CUL3: variants seen among roughly 807,000 people sequenced by gnomAD.
CUL3 encodes cullin-3.
In CUL3, 19 loss-of-function variants were observed where a neutral mutation model predicts 89.1. That is an observed-to-expected ratio of 0.21 (90% CI 0.15 to 0.31). CUL3 has a LOEUF of 0.31. Ranked by LOEUF, CUL3 falls within the 10% of genes least tolerant of loss-of-function variation. The pLI is 1.00. For synonymous variants in CUL3, 351 were observed against 308.4 expected, an observed-to-expected ratio of 1.14 and a Z score of -1.45; for missense variants, 469 against 942.3, an observed-to-expected ratio of 0.50 and a Z score of 6.58.
At chr2:224,578,936 T>TC (rs1444321208) in intron 1 of CUL3, among the ~76,000 whole-genome samples, 1 of 152,190 alleles carries the variant, frequency 6.6e-6, no homozygotes, top group African/African-American at 2.4e-5. Context: ...TCCCTTAACT[T>TC]CATTTAATGA....
chr2:224,569,881 G>A (rs548935803), intron 1 of CUL3: 17 of 851,486 alleles, frequency 2.0e-5, no homozygotes, highest in African/African-American at 7.6e-5. Context: ...TGAAATTCCA[G>A]GCAATTCAGA....
chr2:224,508,724 C>T (rs1009423357), intron 6 of CUL3, among the ~76,000 whole-genome samples: 4 of 152,132 alleles, frequency 2.6e-5, no homozygotes, highest in African/African-American at 7.2e-5. Context: ...CTTTGGGAGG[C>T]TGAGACGGGC....
At chr2:224,583,370 AAG>A (rs974547664) in intron 1 of CUL3, among the ~76,000 whole-genome samples, 2 of 152,228 alleles carry the variant, frequency 1.3e-5, no homozygotes, top group African/African-American at 4.8e-5. Flanking sequence ...CTCAAAAAAA[AAG>A]AAAATCTGTT....
intron 1 of CUL3, among the ~76,000 whole-genome samples, chr2:224,561,994 A>G (rs1694917235): frequency 6.6e-6 from 1 of 152,258 alleles, no homozygotes; most frequent in South Asian, 2.1e-4. Context: ...CTAATAGCTG[A>G]GCAAAACATC....
At position 224,544,610 on chromosome 2, in the gene CUL3, T is replaced by A. The variant is rs931247042; in HGVS notation, c.265-8969A>T. On this transcript the variant is annotated intron_variant, in intron 2 of 15. Transcript: ENST00000264414. Reference sequence around the variant, plus strand: ...GCATTAATCACATGTGGTCTAGGGGTTTGTCACTTTATAAATTTTGCCAGT... The same window carrying A: ...GCATTAATCACATGTGGTCTAGGGGATTGTCACTTTATAAATTTTGCCAGT... Among the ~76,000 whole-genome samples, 6 of 151,692 alleles carry A rather than the reference T, an allele frequency of 4.0e-5. No homozygotes were observed. The East Asian group carries it at 1.2e-3, about 29-fold the overall frequency.
Position 224,506,859 on chromosome 2 carries a change from T to C in CUL3, c.1028A>G (p.Gln343Arg), listed in dbSNP as rs1692622022. The C allele has an allele frequency of 1.9e-6, 3 of 1,611,964 alleles. No homozygotes were observed. Among genetic ancestry groups the C allele is most frequent in the Non-Finnish European group, 2.5e-6 (3 of 1,179,250 alleles). ...AGAGAATCTTCTGGGTTTACTTACC[T>C]GGATATAGTCAACAGGATTCTTTCC... Reference protein sequence around the residue: ...GEGKNPVDYIQGLLDLKSRFD... With the variant: ...GEGKNPVDYIRGLLDLKSRFD... The change falls in exon 7 of 16, where the codon CAG (glutamine) becomes CGG (arginine). Residue 343 changes from glutamine (Q) to arginine (R), a missense_variant and splice_region_variant. This residue lies in a region of CUL3 where 370 missense variants were observed against 733.2 expected (regional missense o/e 0.50). Transcript: ENST00000264414.
At position 224,557,676 on chromosome 2, in the gene CUL3, C is replaced by T. The variant is rs1417750087; in HGVS notation, c.247G>A (p.Glu83Lys). ...LYTGLREVVT[E>K]HLINKVREDV... ...TTTGATACCTTATTTATGAGATGTT[C>T]GGTAACAACTTCTCTTAGTCCAGTG... is the stretch of plus-strand genomic sequence containing the variant. Residue 83 changes from glutamate (E) to lysine (K), a missense_variant, in exon 2 of 16, where the codon GAA becomes AAA. By Grantham distance (56) the Glu-to-Lys change is moderately conservative (BLOSUM62 1). Transcript: ENST00000264414. The T allele has an allele frequency of 5.6e-6, 9 of 1,608,814 alleles. No individual in the cohort carries two copies. Among genetic ancestry groups the T allele is most frequent in the Non-Finnish European group, 5.1e-6 (6 of 1,176,554 alleles).
chr2:224,542,395 A>C (rs1694142138), intron 2 of CUL3, among the ~76,000 whole-genome samples: 1 of 152,086 alleles, frequency 6.6e-6, no homozygotes, highest in South Asian at 2.1e-4. Context: ...ACACAATTAT[A>C]GCTCACTGCA....
intron 2 of CUL3, among the ~76,000 whole-genome samples, chr2:224,549,307 C>A (rs1212077999): frequency 6.7e-6 from 1 of 149,678 alleles, no homozygotes; most frequent in Non-Finnish European, 1.5e-5. Flanking sequence ...GACAGCAAGA[C>A]CTTGTCTCGG....
intron 1 of CUL3, among the ~76,000 whole-genome samples, chr2:224,560,968 A>G (rs533040582): frequency 2.0e-5 from 3 of 152,268 alleles, no homozygotes; most frequent in African/African-American, 7.2e-5. Flanking sequence ...CGTATTTGCT[A>G]TTCTTTCTGT....
chr2:224,550,580 C>A (rs960904990), intron 2 of CUL3, among the ~76,000 whole-genome samples: 41 of 152,168 alleles, frequency 2.7e-4, no homozygotes, highest in African/African-American at 8.4e-4. Flanking sequence ...GCTCCTTTGT[C>A]TGCCCCACCG....
intron 2 of CUL3, among the ~76,000 whole-genome samples, chr2:224,556,831 AAC>A (rs1694725597): frequency 6.6e-6 from 1 of 152,128 alleles, no homozygotes; most frequent in Non-Finnish European, 1.5e-5. Context: ...CAGTAATTAT[AAC>A]ACATATCAAT....
chr2:224,491,550 A>G (rs1255947648), intron 13 of CUL3, among the ~76,000 whole-genome samples: 1 of 152,156 alleles, frequency 6.6e-6, no homozygotes, highest in African/African-American at 2.4e-5. Flanking sequence ...ATACTTATGA[A>G]TTTCATTCCT....
At chr2:224,575,747 CA>C (rs1049211506) in intron 1 of CUL3, among the ~76,000 whole-genome samples, 1 of 152,074 alleles carries the variant, frequency 6.6e-6, no homozygotes, top group Non-Finnish European at 1.5e-5. Context: ...GTGATTTGCT[CA>C]AAGTCCTACA....
At chr2:224,584,375 T>A (rs1695521772) in intron 1 of CUL3, among the ~76,000 whole-genome samples, 1 of 152,026 alleles carries the variant, frequency 6.6e-6, no homozygotes, top group African/African-American at 2.4e-5. Context: ...ACGCTATAAA[T>A]ACACCCAATG....
At chr2:224,481,144 C>G (rs1455192345) in intron 14 of CUL3, among the ~76,000 whole-genome samples, 1 of 151,894 alleles carries the variant, frequency 6.6e-6, no homozygotes, top group Admixed American at 6.6e-5. Context: ...CAACAAATGA[C>G]AGTCATTTAA....
chr2:224,491,928 T>C (rs1431705492), intron 13 of CUL3, among the ~76,000 whole-genome samples: 1 of 152,216 alleles, frequency 6.6e-6, no homozygotes, highest in African/African-American at 2.4e-5. Flanking sequence ...TATGCTGACC[T>C]TTCTTTGTAT....
chr2:224,478,118 T>C (rs2106141810), intron 15 of CUL3, 82 bp downstream of exon 15: 2 of 1,398,344 alleles, frequency 1.4e-6, no homozygotes, highest in South Asian at 3.2e-5. Flanking sequence ...GTAAAATTGT[T>C]TTTAAAATTA....
Position 224,503,841 on chromosome 2 carries a change from G to GT in CUL3, c.1207-20dup, listed in dbSNP as rs1692488922. ...CTGTTAGCTGCAAAATTAAGATGAT[G>GT]TAACAATTATACAATTTTAGTTCTA... is the stretch of plus-strand genomic sequence containing the variant. On this transcript the variant is annotated intron_variant, in intron 8 of 15. Transcript: ENST00000264414. 2.0e-6 allele frequency: 3 copies of GT among 1,512,900 alleles called. No individual in the cohort carries two copies. The highest frequency in any genetic ancestry group is 2.3e-5 in the Admixed American group (1 of 42,590). The allele number at this position is 1,512,900 out of a possible 1,614,324, so 93.7% of individuals were successfully genotyped here. A position where few individuals can be genotyped will look rare whatever the true frequency, so the allele number is the denominator to read the frequency against.
Sources: gnomAD v4.1 joint callset for allele counts (sites outside exome capture counted in the v4.1 genomes callset) on GRCh38, gnomAD v4.1.1 for gene constraint, gnomAD v4.1.1 regional missense constraint, MANE v1.5 for transcripts, NCBI Gene and HGNC (gene_info 2026-07-23, HGNC 2026-07-21) for gene names.